The following ALDH3A1 variants were observed in gnomAD, a reference collection of about 807,000 sequenced individuals.
ALDH3A1 encodes the protein aldehyde dehydrogenase 3 family member A1, also known as aldehyde dehydrogenase, dimeric NADP-preferring.
Under a neutral mutation model 49.9 loss-of-function variants are expected in ALDH3A1, and 46 were observed. The observed-to-expected ratio is 0.92, with a 90% CI of 0.73 to 1.18. ALDH3A1 has a LOEUF of 1.18. Ranked by LOEUF, ALDH3A1 falls within the 50% of genes most tolerant of loss-of-function variation. The pLI, the probability that ALDH3A1 is intolerant of heterozygous loss-of-function variation, is 0.00. For synonymous variants in ALDH3A1, 269 were observed against 253.3 expected (o/e 1.06, Z -0.59); for missense variants, 592 against 611.8 (o/e 0.97, Z 0.34).
At position 19,743,278 on chromosome 17, in the gene ALDH3A1, G is replaced by T. The variant is rs772615188; in HGVS notation, c.348C>A (p.Tyr116Ter). ...GVVLVIGTWN[Y>*]PFNLTIQPMV... The stretch of plus-strand genomic sequence containing the variant: ...TGGGCTGGATGGTGAGGTTGAAGGG[G>T]TAGTTCCAGGTGCCAATGACGAGGA... The change falls in exon 3 of 11, where the codon TAC becomes TAA. Residue 116 changes from tyrosine to a stop codon, truncating the protein, a stop_gained. Transcript: ENST00000225740. LOFTEE classifies it high-confidence loss of function. The surrounding 1 kb of genome is among the most constrained non-coding windows in gnomAD (Gnocchi z 4.4). 6 of 1,614,114 alleles carry T rather than the reference G, an allele frequency of 3.7e-6. No individual in the cohort carries two copies. Among genetic ancestry groups the T allele is most frequent in the Non-Finnish European group, 5.1e-6 (6 of 1,180,026 alleles).
intron 9 of ALDH3A1, 87 bp downstream of exon 9, chr17:19,738,909 C>T: frequency 8.1e-7 from 1 of 1,233,170 alleles, no homozygotes; most frequent in Non-Finnish European, 1.2e-6. Flanking sequence ...GCCCGGGCTG[C>T]AGGAGGTGGT....
In ALDH3A1 at chr17:19,742,965, T is replaced by C. The variant is rs1028444406; in HGVS notation, c.394+267A>G. On this transcript the variant is annotated intron_variant, in intron 3 of 10. Transcript: ENST00000225740. ...ATTCTAGGAAGGAAGCCCTGATGCA[T>C]ATTAGGTGACAGAAGCTCCAGCCCC... 1.1e-5 allele frequency: 17 copies of C among 1,521,620 alleles called. No homozygotes were observed. The African/African-American group carries it at 1.2e-4, about 11-fold the overall frequency. 94.3% of individuals were successfully genotyped at this position (1,521,620 alleles called of 1,614,324 possible). A position where few individuals can be genotyped will look rare whatever the true frequency, so the allele number is the denominator to read the frequency against.
chr17:19,747,951 C>T (rs950602534), intron 1 of ALDH3A1: 8 of 171,958 alleles, frequency 4.7e-5, no homozygotes, highest in Non-Finnish European at 1.0e-4. Flanking sequence ...TCTCTGTCAG[C>T]AGCTCATGCC....
chr17:19,741,081 G>T lies in ALDH3A1; in HGVS notation c.807+12C>A, dbSNP rs1294304860. The T allele has an allele frequency of 2.5e-6, 4 of 1,607,482 alleles. No individual in the cohort carries two copies. The South Asian group carries it at 3.3e-5, about 13-fold the overall frequency. ...GCCTCTCATCCCACCCTGCCAAGGG[G>T]TCAACACTCACTTTCAGTGACTTCT... On this transcript the variant is annotated intron_variant, in intron 6 of 10. Coordinates refer to ENST00000225740, the MANE Select transcript of ALDH3A1 (RefSeq NM_000691.5).
chr17:19,740,283 T>G, intron 7 of ALDH3A1, 53 bp downstream of exon 7: 5 of 1,597,678 alleles, frequency 3.1e-6, no homozygotes, highest in Non-Finnish European at 4.3e-6. Flanking sequence ...GTGAACTTGC[T>G]GGGGACCCCT....
rs1043289345 is a variant in ALDH3A1 at position 19,748,056 on chromosome 17, G to A, written c.-6+203C>T. 26 of 231,784 alleles carry A rather than the reference G, an allele frequency of 1.1e-4. No homozygotes were observed. The South Asian group carries it at 1.2e-3, about 11-fold the overall frequency. 14.4% of individuals were successfully genotyped at this position (231,784 alleles called of 1,614,324 possible). A position where few individuals can be genotyped will look rare whatever the true frequency, so the allele number is the denominator to read the frequency against. ...ACGGCCACCTTGGTGTCCCTGCTCC[G>A]CGGATCCCTGGGACCTCTGCCTCCT... On this transcript the variant is annotated intron_variant, in intron 1 of 10. Transcript: ENST00000225740. The surrounding 1 kb of genome is among the most constrained non-coding windows in gnomAD (Gnocchi z 4.4).
chr17:19,746,205 A>G (rs1386322728), intron 1 of ALDH3A1, among the ~76,000 whole-genome samples: 3 of 152,228 alleles, frequency 2.0e-5, no homozygotes, highest in Non-Finnish European at 4.4e-5. Context: ...CCTGGCCAAC[A>G]TGGTGAAACC....
chr17:19,738,955 T>TG (rs4646791), intron 9 of ALDH3A1, 41 bp downstream of exon 9: 633,383 of 1,578,118 alleles, frequency 0.4, 130,938 homozygotes, highest in East Asian at 0.52. Flanking sequence ...TGCCCAGCCC[T>TG]GGGGCCCAGA....
In ALDH3A1 at chr17:19,738,310, T is replaced by A; in HGVS notation, c.1347+13A>T. ...ACAGCCCGGTCTCCCCCACAGCGCCTTCCCCCTCTCACCTTGGCCGGGCTC... is the reference window on the plus strand; with the variant it reads ...ACAGCCCGGTCTCCCCCACAGCGCCATCCCCCTCTCACCTTGGCCGGGCTC... On this transcript the variant is annotated intron_variant, in intron 10 of 10. Transcript: ENST00000225740. 1 of 1,613,486 alleles carries A rather than the reference T, an allele frequency of 6.2e-7. No individual in the cohort carries two copies. The highest frequency in any genetic ancestry group is 8.5e-7 in the Non-Finnish European group (1 of 1,179,476).
chr17:19,741,584 G>T (rs1270291782), intron 5 of ALDH3A1, among the ~76,000 whole-genome samples: 1 of 152,190 alleles, frequency 6.6e-6, no homozygotes, highest in Non-Finnish European at 1.5e-5. Flanking sequence ...GCAGATACGG[G>T]TTCTGCCCCA....
rs117687479 is a variant in ALDH3A1, at chr17:19,741,342, G to A, written c.690-132C>T. On this transcript the variant is annotated intron_variant, in intron 5 of 10. Transcript: ENST00000225740. ...TTGCCACCAGTGAGTCCTCCCAAGC[G>A]GTCTGCTCACTTCTAGACACTGGAC... 2,339 of 719,626 alleles carry A rather than the reference G, an allele frequency of 3.3e-3. 55 individuals carry two copies. In the East Asian group the frequency reaches 0.049, roughly 15 times the overall value. The allele number at this position is 719,626 out of a possible 1,614,324, so 44.6% of individuals were successfully genotyped here.
intron 6 of ALDH3A1, 115 bp from the exon 7 acceptor site, chr17:19,740,592 C>G (rs998364815): frequency 2.6e-6 from 3 of 1,143,208 alleles, no homozygotes; most frequent in African/African-American, 1.5e-5. Context: ...CTGGGTGGAG[C>G]TTTTTTCTTC....
rs2086609167 is a variant in ALDH3A1 at position 19,746,937 on chromosome 17, G to A, written c.-6+1322C>T. 2.6e-5 allele frequency among the ~76,000 whole-genome samples: 4 copies of A among 152,192 alleles called. 1 individual carries two copies. Among genetic ancestry groups the A allele is most frequent in the Admixed American group, 2.6e-4 (4 of 15,284 alleles). On this transcript the variant is annotated intron_variant, in intron 1 of 10. Coordinates refer to ENST00000225740, the MANE Select transcript of ALDH3A1 (RefSeq NM_000691.5). ...GCACTACATGCTCATGAAACAAAAT[G>A]TAAAATATAGCAAAGGGGCACAGAA...
intron 1 of ALDH3A1, among the ~76,000 whole-genome samples, chr17:19,746,646 TGTGTGTGCATGTGTGTGTGTGC>T (rs1419503884): frequency 6.8e-5 from 10 of 146,362 alleles, no homozygotes; most frequent in African/African-American, 2.6e-4. Flanking sequence ...TGCGTGTGCG[TGTGTGTGCATGTGTGTGTGTGC>T]GTGTGTGTGC....
chr17:19,746,624 C>CGTGTGT (rs375726934), intron 1 of ALDH3A1, among the ~76,000 whole-genome samples: 1 of 147,354 alleles, frequency 6.8e-6, no homozygotes, highest in South Asian at 2.1e-4. Flanking sequence ...TGTGTGTGTG[C>CGTGTGT]GTGTGTGTGT....
Position 19,739,042 on chromosome 17 carries a change from A to T in ALDH3A1, c.1170T>A (p.Asp390Glu), listed in dbSNP as rs768647335. The T allele has an allele frequency of 6.2e-7, 1 of 1,613,944 alleles. No individual in the cohort carries two copies. The highest frequency in any genetic ancestry group is 8.5e-7 in the Non-Finnish European group (1 of 1,179,970). The change falls in exon 9 of 11, where the codon GAT (aspartate) becomes GAA (glutamate). Residue 390 changes from aspartate (D) to glutamate (E), a missense_variant. Physicochemically the swap from Asp to Glu is conservative, Grantham distance 45. Coordinates refer to ENST00000225740, the MANE Select transcript of ALDH3A1 (RefSeq NM_000691.5). ...AGTGCAAGGTGATGTGGACGATGAC[A>T]TCGTTGGCCGCCACCCCACCACTGG... ...ETSSGGVAAN[D>E]VIVHITLHSL...
In ALDH3A1 at chr17:19,742,155, T is replaced by C; in HGVS notation, c.538A>G (p.Arg180Gly). The C allele has an allele frequency of 6.2e-7, 1 of 1,614,032 alleles. No homozygotes were observed. The highest frequency in any genetic ancestry group is 8.5e-7 in the Non-Finnish European group (1 of 1,179,996). Reference protein sequence around the residue: ...VPETTELLKERFDHILYTGST... With the variant: ...VPETTELLKEGFDHILYTGST... ...CCCGTGTACAGGATATGGTCGAACC[T>C]CTCCTTGAGCAGCTCCGTGGTCTCA... Residue 180 changes from arginine to glycine, a missense_variant, in exon 5 of 11, where the codon AGG becomes GGG. Arg to Gly is a moderately radical substitution (Grantham distance 125, BLOSUM62 -2). Coordinates refer to ENST00000225740, the MANE Select transcript of ALDH3A1 (RefSeq NM_000691.5).
chr17:19,744,359 C>T (rs2086558633), intron 2 of ALDH3A1: 1 of 935,030 alleles, frequency 1.1e-6, no homozygotes, highest in South Asian at 4.9e-5. Flanking sequence ...GCCGAGATCG[C>T]GCCATTACAC....
Position 19,743,491 on chromosome 17 carries a change from C to T in ALDH3A1, c.163-28G>A. The T allele has an allele frequency of 6.4e-7, 1 of 1,558,016 alleles. No homozygotes were observed. Among genetic ancestry groups the T allele is most frequent in the Non-Finnish European group, 8.7e-7 (1 of 1,149,890 alleles). On this transcript the variant is annotated intron_variant, in intron 2 of 10. Coordinates refer to ENST00000225740, the MANE Select transcript of ALDH3A1 (RefSeq NM_000691.5). This position sits in a 1 kb window ranked among gnomAD's most constrained non-coding sequence, Gnocchi z 4.4. The stretch of plus-strand genomic sequence containing the variant: ...GCAGCGACAGAGCCGGAGTGAGCTT[C>T]CAGGGCCAGGGCCCGCCTGCAGCTG...
Sources: gnomAD v4.1 joint callset for allele counts (sites outside exome capture counted in the v4.1 genomes callset) on GRCh38, gnomAD v4.1.1 for gene constraint, Gnocchi (gnomAD v3.1) non-coding constraint, MANE v1.5 for transcripts, NCBI Gene and HGNC (gene_info 2026-07-23, HGNC 2026-07-21) for gene names.